The following UGT1A10 variants were observed in gnomAD, a reference collection of about 807,000 sequenced individuals.
UGT1A10 encodes the protein UDP glucuronosyltransferase family 1 member A10.
A neutral mutation model predicts 45.8 loss-of-function variants in UGT1A10; 49 were observed. That is an observed-to-expected ratio of 1.07 (90% confidence interval 0.85 to 1.36). UGT1A10 has a LOEUF of 1.36. UGT1A10 is among the 40% of genes most tolerant of loss of function. UGT1A10 has a pLI of 0.00. For synonymous variants in UGT1A10, 284 were observed against 249.7 expected, an observed-to-expected ratio of 1.14 and a Z score of -1.29; for missense variants, 745 against 668.6, an observed-to-expected ratio of 1.11 and a Z score of -1.26.
intron 1 of UGT1A10, among the ~76,000 whole-genome samples, chr2:233,709,616 G>A (rs2125616284): frequency 6.6e-6 from 1 of 152,262 alleles, no homozygotes; most frequent in Non-Finnish European, 1.5e-5. Context: ...TTAAATATAG[G>A]TGTTTTGCTG....
chr2:233,670,613 G>T lies in UGT1A10; in HGVS notation c.855+33236G>T, dbSNP rs910138429. On this transcript the variant is annotated intron_variant, in intron 1 of 4. Coordinates refer to ENST00000344644, the MANE Select transcript of UGT1A10 (RefSeq NM_019075.4). ...ATTCAAAAGCACTCATCTCCATCAA[G>T]TCATCTTCTGTTGATTCCTCTGGTG... Among the ~76,000 whole-genome samples the T allele has an allele frequency of 2.0e-5, 3 of 152,168 alleles. No individual in the cohort carries two copies. In the East Asian group the frequency reaches 5.8e-4, roughly 29 times the overall value.
At chr2:233,688,312 T>C (rs1389138733) in intron 1 of UGT1A10, among the ~76,000 whole-genome samples, 1 of 152,236 alleles carries the variant, frequency 6.6e-6, no homozygotes, top group African/African-American at 2.4e-5. Context: ...CATTCATCAG[T>C]TGGTGGACAT....
At chr2:233,714,116 G>A (rs869462) in intron 1 of UGT1A10, among the ~76,000 whole-genome samples, 2 of 152,116 alleles carry the variant, frequency 1.3e-5, no homozygotes, top group African/African-American at 2.4e-5. Flanking sequence ...TGTGACTCAC[G>A]GAGACTGTTC....
chr2:233,753,876 C>A (rs1268305886), intron 1 of UGT1A10, among the ~76,000 whole-genome samples: 2 of 152,192 alleles, frequency 1.3e-5, no homozygotes, highest in Non-Finnish European at 1.5e-5. Context: ...AAGGTCTGTC[C>A]TCAGCCTTCA....
chr2:233,730,694 C>T (rs1315714978), intron 1 of UGT1A10, among the ~76,000 whole-genome samples: 1 of 152,058 alleles, frequency 6.6e-6, no homozygotes, highest in Non-Finnish European at 1.5e-5. Context: ...TCAAATGATT[C>T]TTCTACTTGG....
At chr2:233,716,351 A>G (rs1258886515) in intron 1 of UGT1A10, among the ~76,000 whole-genome samples, 2 of 152,232 alleles carry the variant, frequency 1.3e-5, no homozygotes, top group Non-Finnish European at 2.9e-5. Flanking sequence ...ACTACAATGT[A>G]GATACTTTGT....
At chr2:233,701,701 C>T (rs1051728567) in intron 1 of UGT1A10, among the ~76,000 whole-genome samples, 4 of 152,128 alleles carry the variant, frequency 2.6e-5, no homozygotes, top group African/African-American at 7.2e-5. Flanking sequence ...CACTCAAAAC[C>T]GCTCAACTAC....
At chr2:233,717,191 C>T (rs1575515961) in intron 1 of UGT1A10, among the ~76,000 whole-genome samples, 1 of 152,208 alleles carries the variant, frequency 6.6e-6, no homozygotes, top group Non-Finnish European at 1.5e-5. Context: ...CCCTCCCAGG[C>T]ATGTTCCACC....
rs762730936 is a variant in UGT1A10 at position 233,677,817 on chromosome 2, C to T, written c.855+40440C>T. Among the ~76,000 whole-genome samples, 6 of 151,570 alleles carry T rather than the reference C, an allele frequency of 4.0e-5. No homozygotes were observed. The East Asian group carries it at 1.2e-3, about 29-fold the overall frequency. ...AGAACTGTCATTCGACCCAGCAATC[C>T]CATTACTAGATATATGTAAAAAAAA... On this transcript the variant is annotated intron_variant, in intron 1 of 4. Coordinates refer to ENST00000344644, the MANE Select transcript of UGT1A10 (RefSeq NM_019075.4).
In UGT1A10 at chr2:233,756,891, T is replaced by C. The variant is rs11568316; in HGVS notation, c.856-10143T>C. ...TATTAGGTGTAATGAGGATGTGTTA[T>C]CTCACCAGAACAAACTTCTGAGTTT... On this transcript the variant is annotated intron_variant, in intron 1 of 4. Coordinates refer to ENST00000344644, the MANE Select transcript of UGT1A10 (RefSeq NM_019075.4). 4.5e-3 allele frequency among the ~76,000 whole-genome samples: 679 copies of C among 152,202 alleles called. 6 individuals carry two copies. Among genetic ancestry groups the C allele is most frequent in the African/African-American group, 0.016 (644 of 41,534 alleles).
intron 1 of UGT1A10, chr2:233,689,886 AT>A (rs2074964771): frequency 2.2e-6 from 1 of 456,640 alleles, no homozygotes; most frequent in African/African-American, 2.0e-5. Context: ...CAAGTGCCTT[AT>A]TTATTTCTCA....
intron 1 of UGT1A10, among the ~76,000 whole-genome samples, chr2:233,714,825 A>G (rs971124099): frequency 1.3e-5 from 2 of 152,238 alleles, no homozygotes; most frequent in African/African-American, 4.8e-5. Flanking sequence ...AGTGACAACA[A>G]TATGGTGAAT....
chr2:233,668,644 A>G (rs1642909097), intron 1 of UGT1A10, among the ~76,000 whole-genome samples: 1 of 152,236 alleles, frequency 6.6e-6, no homozygotes, highest in South Asian at 2.1e-4. Flanking sequence ...GTCTTCCACA[A>G]TGGTTGAACT....
chr2:233,756,036 T>G (rs1696097976), intron 1 of UGT1A10: 1 of 152,224 alleles, frequency 6.6e-6, no homozygotes, highest in Non-Finnish European at 1.5e-5. Context: ...CCATGTAGCT[T>G]CTGGAAAACT....
intron 1 of UGT1A10, among the ~76,000 whole-genome samples, chr2:233,737,002 C>G (rs534387073): frequency 6.6e-6 from 1 of 152,190 alleles, no homozygotes; most frequent in Non-Finnish European, 1.5e-5. Flanking sequence ...GTCAGGGACC[C>G]GCTTGAGGAG....
At chr2:233,677,605 T>G (rs2074394886) in intron 1 of UGT1A10, among the ~76,000 whole-genome samples, 1 of 151,738 alleles carries the variant, frequency 6.6e-6, no homozygotes, top group South Asian at 2.1e-4. Flanking sequence ...ACCAGAAAAA[T>G]GAAGATGAAA....
rs531565456 is a variant in UGT1A10 at position 233,748,436 on chromosome 2, T to C, written c.856-18598T>C. On this transcript the variant is annotated intron_variant, in intron 1 of 4. Coordinates refer to ENST00000344644, the MANE Select transcript of UGT1A10 (RefSeq NM_019075.4). ...AGACTTGACCCATCTGGATTTTTTG[T>C]TTGCACAATTTTCAGGGGAAAGATG... Among the ~76,000 whole-genome samples the C allele has an allele frequency of 2.0e-5, 3 of 151,942 alleles. No individual in the cohort carries two copies. In the East Asian group the frequency reaches 5.8e-4, roughly 29 times the overall value.
intron 1 of UGT1A10, among the ~76,000 whole-genome samples, chr2:233,757,699 C>A (rs572469741): frequency 4.0e-5 from 6 of 151,562 alleles, no homozygotes; most frequent in Non-Finnish European, 8.8e-5. Context: ...AGGAAGGTGG[C>A]TTTGCTTCCC....
intron 1 of UGT1A10, among the ~76,000 whole-genome samples, chr2:233,734,252 G>A (rs1251645812): frequency 6.6e-6 from 1 of 152,080 alleles, no homozygotes; most frequent in Non-Finnish European, 1.5e-5. Flanking sequence ...TTTAGTCTTG[G>A]GAGGGTGTAT....
Sources: allele counts gnomAD v4.1 joint callset (sites outside exome capture counted in the v4.1 genomes callset), GRCh38; gene constraint gnomAD v4.1.1; transcripts MANE v1.5; gene names NCBI Gene and HGNC (gene_info 2026-07-23, HGNC 2026-07-21).